SVIL: variants seen among roughly 807,000 people sequenced by gnomAD.
SVIL encodes the protein supervillin, also known as archvillin.
A neutral mutation model predicts 240.4 loss-of-function variants in SVIL; 101 were observed. The ratio of observed to expected loss-of-function variants is 0.42; its 90% CI spans 0.36 to 0.50. The LOEUF (loss-of-function observed/expected upper bound fraction) is 0.50, where lower values mean the gene tolerates loss of function less well. SVIL is among the 20% of genes least tolerant of loss of function. The pLI is 0.01. For synonymous variants in SVIL, 999 were observed against 1,100.0 expected (o/e 0.91, Z 1.82); for missense variants, 2,512 against 2,818.7 (o/e 0.89, Z 2.46).
chr10:29,564,504 G>A (rs895738410), intron 2 of SVIL, among the ~76,000 whole-genome samples: 7 of 152,030 alleles, frequency 4.6e-5, no homozygotes, highest in African/African-American at 1.7e-4. Flanking sequence ...GATGGGCTTG[G>A]AAAAGACTCA....
At chr10:29,690,659 T>A (rs1353368981) in intron 1 of SVIL, among the ~76,000 whole-genome samples, 1 of 152,190 alleles carries the variant, frequency 6.6e-6, no homozygotes, top group African/African-American at 2.4e-5. Flanking sequence ...CACAAATGAC[T>A]ACATTTGTCT....
At chr10:29,585,777 G>A (rs747739614) in intron 1 of SVIL, among the ~76,000 whole-genome samples, 10 of 152,226 alleles carry the variant, frequency 6.6e-5, no homozygotes, top group South Asian at 2.1e-4. Flanking sequence ...AACTGAAGCC[G>A]GGGTCCGGAG....
upstream of SVIL, among the ~76,000 whole-genome samples, chr10:29,638,452 G>A (rs1395399836): frequency 6.6e-6 from 1 of 151,312 alleles, no homozygotes; most frequent in Non-Finnish European, 1.5e-5. Flanking sequence ...GGTGACAAGG[G>A]TGAAACTCTG....
intron 1 of SVIL, among the ~76,000 whole-genome samples, chr10:29,727,900 G>A (rs920832435): frequency 6.6e-6 from 1 of 152,102 alleles, no homozygotes; most frequent in African/African-American, 2.4e-5. Context: ...CTCAAGGCAG[G>A]GCGAGAACCT....
At chr10:29,679,862 T>C (rs1366178845) in intron 2 of SVIL, among the ~76,000 whole-genome samples, 1 of 150,578 alleles carries the variant, frequency 6.6e-6, no homozygotes, top group Non-Finnish European at 1.5e-5. Flanking sequence ...CCTGTACATG[T>C]ACCCCCTGAA....
chr10:29,701,900 G>A (rs964312114), intron 1 of SVIL, among the ~76,000 whole-genome samples: 10 of 152,138 alleles, frequency 6.6e-5, no homozygotes, highest in African/African-American at 1.2e-4. Flanking sequence ...TAGGCTGGGC[G>A]CGGTGGCTCA....
intron 17 of SVIL, among the ~76,000 whole-genome samples, chr10:29,503,631 T>C (rs1243934048): frequency 1.3e-5 from 2 of 152,276 alleles, no homozygotes; most frequent in Admixed American, 6.5e-5. Context: ...GGTAAAAGTA[T>C]ATAATTTTTT....
chr10:29,572,267 A>G (rs1955460050), intron 1 of SVIL, among the ~76,000 whole-genome samples: 1 of 152,202 alleles, frequency 6.6e-6, no homozygotes, highest in Admixed American at 6.5e-5. Context: ...CTCTAAACTC[A>G]TTACATTATA....
chr10:29,554,209 G>T (rs896933533), intron 5 of SVIL, among the ~76,000 whole-genome samples: 5 of 152,072 alleles, frequency 3.3e-5, no homozygotes, highest in East Asian at 3.9e-4. Flanking sequence ...TACTTGGGAG[G>T]CTGAGGTGGG....
At chr10:29,549,982 C>A (rs1185256378) in intron 6 of SVIL, among the ~76,000 whole-genome samples, 1 of 132,746 alleles carries the variant, frequency 7.5e-6, no homozygotes, top group Non-Finnish European at 1.6e-5. Flanking sequence ...TGTAACTAAC[C>A]TGCACATTGT....
At chr10:29,696,783 C>A (rs1292342622) in intron 1 of SVIL, among the ~76,000 whole-genome samples, 6 of 151,242 alleles carry the variant, frequency 4.0e-5, no homozygotes, top group African/African-American at 9.7e-5. Context: ...AAGTGAGGAG[C>A]ATCTCCGCCT....
intron 32 of SVIL, among the ~76,000 whole-genome samples, chr10:29,469,807 G>T (rs1036326336): frequency 7.2e-5 from 11 of 152,206 alleles, no homozygotes; most frequent in African/African-American, 2.4e-4. Context: ...CTCTCCATCG[G>T]GGGCTGCTCT....
Position 29,500,187 on chromosome 10 carries a change from G to A in SVIL, c.3517-924C>T, listed in dbSNP as rs575058360. ...GACAGGGCTCATGCCACTGAGTGAT[G>A]TGTATTGGGGAGAAGAGTGTAGGTG... On this transcript the variant is annotated intron_variant, in intron 17 of 37. Transcript: ENST00000355867. Among the ~76,000 whole-genome samples the A allele has an allele frequency of 5.3e-5, 8 of 152,200 alleles. No individual in the cohort carries two copies. In the East Asian group the frequency reaches 1.4e-3, roughly 26 times the overall value.
chr10:29,465,799 A>G (rs1267802068), intron 33 of SVIL, 49 bp from the exon 34 acceptor site: 2 of 1,580,398 alleles, frequency 1.3e-6, no homozygotes. Flanking sequence ...GCATCAAAGT[A>G]AATTCCAGAT....
At chr10:29,727,382 G>A (rs1008400714) in intron 1 of SVIL, among the ~76,000 whole-genome samples, 7 of 151,848 alleles carry the variant, frequency 4.6e-5, no homozygotes, top group Non-Finnish European at 8.8e-5. Flanking sequence ...TGCCTCCTCA[G>A]CCTCCCAAGT....
intron 1 of SVIL, among the ~76,000 whole-genome samples, chr10:29,706,664 G>T (rs541394813): frequency 2.4e-4 from 36 of 151,536 alleles, no homozygotes; most frequent in African/African-American, 8.4e-4. Context: ...TAATTAGATT[G>T]GTTTCTGTTG....
Position 29,634,850 on chromosome 10 carries a change from G to T in SVIL, c.-631C>A, listed in dbSNP as rs542886382. The T allele has an allele frequency of 5.3e-5, 8 of 151,958 alleles. No homozygotes were observed. The highest frequency in any genetic ancestry group is 4.6e-4 in the Admixed American group (7 of 15,264). 9.4% of individuals were successfully genotyped at this position (151,958 alleles called of 1,614,324 possible). On this transcript the variant is annotated 5_prime_UTR_variant, in exon 1 of 38. Coordinates refer to ENST00000355867, the MANE Select transcript of SVIL (RefSeq NM_021738.3). ...AAGAGTCTTCTTTTTGAAGTTTTTC[G>T]TCCCCTAGTGTCCTCGAGGCTGAAC... is the stretch of plus-strand genomic sequence containing the variant.
chr10:29,722,525 G>C (rs1056056587), intron 1 of SVIL, among the ~76,000 whole-genome samples: 1 of 152,102 alleles, frequency 6.6e-6, no homozygotes, highest in African/African-American at 2.4e-5. Context: ...CAAGAGTAAT[G>C]GTCATTTTCC....
intron 1 of SVIL, among the ~76,000 whole-genome samples, chr10:29,609,018 A>T (rs1247428): frequency 0.42 from 63,769 of 151,980 alleles, 13,565 homozygotes; most frequent in African/African-American, 0.46. Context: ...TTCTGAGCCC[A>T]TAAAAACCCC....
Sources: allele counts gnomAD v4.1 joint callset (sites outside exome capture counted in the v4.1 genomes callset), GRCh38; gene constraint gnomAD v4.1.1; transcripts MANE v1.5; gene names NCBI Gene and HGNC (gene_info 2026-07-23, HGNC 2026-07-21).